FHOD3: variants seen among roughly 807,000 people sequenced by gnomAD.
FHOD3 encodes the protein formin homology 2 domain containing 3.
FHOD3 carries 90 observed loss-of-function variants against 173.0 expected under a neutral mutation model. That is an observed-to-expected ratio of 0.52 (90% CI 0.44 to 0.62). FHOD3 has a LOEUF of 0.62. FHOD3 is among the 20% of genes least tolerant of loss of function. The probability of loss-of-function intolerance (pLI) is 0.00; values close to 1 mark genes in which losing one functional copy is unlikely to be tolerated. For missense variants in FHOD3, 1,945 were observed against 2,034.7 expected (o/e 0.96, Z 0.85); for synonymous variants, 828 against 823.0 (o/e 1.01, Z -0.10).
At chr18:36,549,532 CTTTTTTT>C (rs386387404) in intron 5 of FHOD3, among the ~76,000 whole-genome samples, 1 of 71,218 alleles carries the variant, frequency 1.4e-5, no homozygotes, top group South Asian at 7.1e-4. Flanking sequence ...TCTAAGAAAT[CTTTTTTT>C]TTTTTTTTTT....
In FHOD3 at chr18:36,612,082, T is replaced by A; in HGVS notation, c.944T>A (p.Leu315His). 1 of 1,613,806 alleles carries A rather than the reference T, an allele frequency of 6.2e-7. No homozygotes were observed. ...ACTGACCTGGACTTAGTGGAGCAAC[T>A]CAACATTTATGAGGTACCAGACCAT... The part of the protein sequence containing the change: ...KGTDLDLVEQ[L>H]NIYEVALRHE... Residue 315 changes from leucine (L) to histidine (H), a missense_variant, in exon 9 of 29, where the codon CTC (leucine) becomes CAC (histidine). This residue lies in a region of FHOD3 where 1,099 missense variants were observed against 1,051.2 expected (regional missense o/e 1.05). Coordinates refer to ENST00000590592, the MANE Select transcript of FHOD3 (RefSeq NM_001281740.3).
intron 7 of FHOD3, among the ~76,000 whole-genome samples, chr18:36,600,278 CACACACACACAT>C (rs2031169680): frequency 6.6e-6 from 1 of 151,378 alleles, no homozygotes; most frequent in African/African-American, 2.4e-5. Context: ...CACACACACA[CACACACACACAT>C]ATGCACACAT....
intron 10 of FHOD3, among the ~76,000 whole-genome samples, chr18:36,639,568 C>T (rs991591607): frequency 1.3e-5 from 2 of 151,838 alleles, no homozygotes; most frequent in Non-Finnish European, 2.9e-5. Flanking sequence ...GAGGCTGAGG[C>T]AGGAGAATGG....
chr18:36,705,097 G>A (rs1403956075), intron 17 of FHOD3, among the ~76,000 whole-genome samples: 1 of 152,200 alleles, frequency 6.6e-6, no homozygotes, highest in East Asian at 1.9e-4. Context: ...AGAAAGCCTT[G>A]CTTGCCTGTG....
At chr18:36,720,729 TCTTCTTCTCCTCCTC>T (rs1164816326) in intron 19 of FHOD3, among the ~76,000 whole-genome samples, 55 of 116,012 alleles carry the variant, frequency 4.7e-4, no homozygotes, top group Non-Finnish European at 2.8e-4. Context: ...TCTTCCTCCT[TCTTCTTCTCCTCCTC>T]CTTCTTCTCC....
chr18:36,462,634 T>G (rs1292942268), intron 3 of FHOD3, among the ~76,000 whole-genome samples: 1 of 152,134 alleles, frequency 6.6e-6, no homozygotes, highest in Non-Finnish European at 1.5e-5. Flanking sequence ...TTAGACAGGG[T>G]CTTGCTCTGT....
intron 4 of FHOD3, among the ~76,000 whole-genome samples, chr18:36,503,351 A>G (rs186818869): frequency 1.8e-4 from 28 of 152,306 alleles, no homozygotes; most frequent in African/African-American, 6.5e-4. Context: ...CTACATCCTT[A>G]AAAGATTATC....
At chr18:36,349,959 G>C (rs546031124) in intron 1 of FHOD3, among the ~76,000 whole-genome samples, 1 of 152,214 alleles carries the variant, frequency 6.6e-6, no homozygotes, top group South Asian at 2.1e-4. Flanking sequence ...TTGTTTTTTG[G>C]TGGAGATGGG....
At chr18:36,408,144 G>A (rs1464717989) in intron 3 of FHOD3, among the ~76,000 whole-genome samples, 2 of 152,166 alleles carry the variant, frequency 1.3e-5, no homozygotes, top group Non-Finnish European at 2.9e-5. Context: ...TGAATCCTCT[G>A]TCCTGTCCAT....
chr18:36,304,640 G>A (rs2092043410), intron 1 of FHOD3, among the ~76,000 whole-genome samples: 2 of 151,982 alleles, frequency 1.3e-5, no homozygotes, highest in South Asian at 4.1e-4. Context: ...AACAAGTGTA[G>A]GGCATCTGTC....
At chr18:36,505,980 T>C (rs1269530381) in intron 4 of FHOD3, among the ~76,000 whole-genome samples, 1 of 152,214 alleles carries the variant, frequency 6.6e-6, no homozygotes, top group Admixed American at 6.5e-5. Flanking sequence ...CAAAAAGCCA[T>C]GGATCACCAT....
At chr18:36,392,483 G>T (rs1049482781) in intron 3 of FHOD3, among the ~76,000 whole-genome samples, 5 of 152,164 alleles carry the variant, frequency 3.3e-5, no homozygotes, top group African/African-American at 1.2e-4. Context: ...TGCTAAGAAA[G>T]CCCTCCCTGA....
In FHOD3 at chr18:36,652,974, G is replaced by A. The variant is rs1273852807; in HGVS notation, c.1646+45G>A. On this transcript the variant is annotated intron_variant, in intron 12 of 28. Transcript: ENST00000590592. ...GGCTTGTTTGAGATTAACTCGGGGAGGAGAACACAGTGTGTTAACTGCACC... is the reference window on the plus strand; with the variant it reads ...GGCTTGTTTGAGATTAACTCGGGGAAGAGAACACAGTGTGTTAACTGCACC... 7 of 1,495,946 alleles carry A rather than the reference G, an allele frequency of 4.7e-6. No individual in the cohort carries two copies. In the East Asian group the frequency reaches 1.7e-4, roughly 37 times the overall value. 92.7% of individuals were successfully genotyped at this position (1,495,946 alleles called of 1,614,324 possible). A position where few individuals can be genotyped will look rare whatever the true frequency, so the allele number is the denominator to read the frequency against.
intron 5 of FHOD3, among the ~76,000 whole-genome samples, chr18:36,565,113 G>T (rs1009608170): frequency 6.6e-6 from 1 of 152,094 alleles, no homozygotes; most frequent in East Asian, 1.9e-4. Context: ...ACAATTAAGT[G>T]GAAAAGAATA....
chr18:36,495,548 C>T (rs1482688233), intron 3 of FHOD3, among the ~76,000 whole-genome samples: 1 of 152,176 alleles, frequency 6.6e-6, no homozygotes, highest in Non-Finnish European at 1.5e-5. Flanking sequence ...GTCTACAGCC[C>T]CCTTCTGCAC....
intron 3 of FHOD3, among the ~76,000 whole-genome samples, chr18:36,489,169 A>G (rs565093718): frequency 3.3e-5 from 5 of 152,182 alleles, no homozygotes; most frequent in Non-Finnish European, 7.3e-5. Flanking sequence ...CTCACACCCA[A>G]CTGGAAGGGA....
intron 24 of FHOD3, among the ~76,000 whole-genome samples, chr18:36,750,863 A>G (rs1464699970): frequency 6.6e-6 from 1 of 152,192 alleles, no homozygotes; most frequent in Non-Finnish European, 1.5e-5. Context: ...CTGTACTAGT[A>G]CTATGCTGTC....
chr18:36,511,220 T>C (rs1373577131), intron 4 of FHOD3, among the ~76,000 whole-genome samples: 3 of 152,152 alleles, frequency 2.0e-5, no homozygotes, highest in Admixed American at 6.5e-5. Context: ...TAGATGCGTT[T>C]GAGACAAGGC....
At chr18:36,771,972 A>G (rs1420534789) in intron 28 of FHOD3, among the ~76,000 whole-genome samples, 9 of 152,226 alleles carry the variant, frequency 5.9e-5, no homozygotes. Context: ...TGGTCTACAG[A>G]GATCCAAATT....
Sources: gnomAD v4.1 joint callset for allele counts (sites outside exome capture counted in the v4.1 genomes callset) on GRCh38, gnomAD v4.1.1 for gene constraint, gnomAD v4.1.1 regional missense constraint, MANE v1.5 for transcripts, NCBI Gene and HGNC (gene_info 2026-07-23, HGNC 2026-07-21) for gene names.